UBALD2: variants seen among roughly 807,000 people sequenced by gnomAD.
The protein encoded by UBALD2 is UBA like domain containing 2.
In UBALD2, 8 loss-of-function variants were observed where a neutral mutation model predicts 15.9. That is an observed-to-expected ratio of 0.50 (90% confidence interval 0.29 to 0.91). The LOEUF (loss-of-function observed/expected upper bound fraction) is 0.91. Ranked by LOEUF, UBALD2 falls within the 40% of genes least tolerant of loss-of-function variation. UBALD2 has a pLI of 0.07. For synonymous variants in UBALD2, 113 were observed against 97.7 expected, an observed-to-expected ratio of 1.16 and a Z score of -0.93; for missense variants, 178 against 234.8, an observed-to-expected ratio of 0.76 and a Z score of 1.58.
intron 2 of UBALD2, among the ~76,000 whole-genome samples, chr17:76,267,734 G>A (rs1279751214): frequency 2.7e-5 from 4 of 147,046 alleles, no homozygotes; most frequent in Admixed American, 6.9e-5. Context: ...GTGTGATCTC[G>A]GCTCACCGCA....
chr17:76,268,488 T>TG (rs34116305), intron 2 of UBALD2, among the ~76,000 whole-genome samples: 25,259 of 129,180 alleles, frequency 0.2, 3,537 homozygotes, highest in African/African-American at 0.43. Flanking sequence ...CCCCAGAGGG[T>TG]GGGGGGGGGG....
At position 76,265,585 on chromosome 17, in the gene UBALD2, A is replaced by G; in HGVS notation, c.80A>G (p.Gln27Arg). 7.5e-7 allele frequency: 1 copy of G among 1,332,664 alleles called. No homozygotes were observed. The highest frequency in any genetic ancestry group is 9.8e-7 in the Non-Finnish European group (1 of 1,018,104). 82.6% of individuals were successfully genotyped at this position (1,332,664 alleles called of 1,614,324 possible). A position where few individuals can be genotyped will look rare whatever the true frequency, so the allele number is the denominator to read the frequency against. ...CTGGCCGCGGGCTGCGCGGCCGACCAGGCGAAGCAGTTGCTGCAGGCGGCC... is the reference window on the plus strand; with the variant it reads ...CTGGCCGCGGGCTGCGCGGCCGACCGGGCGAAGCAGTTGCTGCAGGCGGCC... ...FVLAAGCAAD[Q>R]AKQLLQAAHW... is the part of the protein sequence containing the mutation. Residue 27 changes from glutamine (Q) to arginine (R), a missense_variant, in exon 1 of 3, where the codon CAG becomes CGG. By Grantham distance (43) the Gln-to-Arg change is conservative. Coordinates refer to ENST00000327490, the MANE Select transcript of UBALD2 (RefSeq NM_182565.4).
chr17:76,266,051 C>T, intron 2 of UBALD2, 82 bp downstream of exon 2: 1 of 1,475,276 alleles, frequency 6.8e-7, no homozygotes, highest in Non-Finnish European at 9.1e-7. Context: ...AGCGCCGCGC[C>T]GCGAATGTAA....
At position 76,268,931 on chromosome 17, in the gene UBALD2, C is replaced by T. The variant is rs1434259583; in HGVS notation, c.184-1263C>T. On this transcript the variant is annotated intron_variant, in intron 2 of 2. Transcript: ENST00000327490. ...GTATTTTTTAATAGAGACAGGGTTT[C>T]ACCATGTTGGTCAGGCTGGTCTCGA... Among the ~76,000 whole-genome samples the T allele has an allele frequency of 9.9e-5, 15 of 152,140 alleles. No homozygotes were observed. The East Asian group carries it at 2.7e-3, about 27-fold the overall frequency.
At chr17:76,266,403 C>G (rs774731843) in intron 2 of UBALD2, among the ~76,000 whole-genome samples, 7 of 148,188 alleles carry the variant, frequency 4.7e-5, no homozygotes, top group Non-Finnish European at 5.9e-5. Context: ...AGTGGTTTCC[C>G]CCCTCCCCCT....
chr17:76,270,171 C>T (rs1268323736), intron 2 of UBALD2, 23 bp from the exon 3 acceptor site: 2 of 1,609,792 alleles, frequency 1.2e-6, no homozygotes, highest in Admixed American at 1.7e-5. Context: ...GCAGCCTCCC[C>T]ACACCCGTGT....
Position 76,270,657 on chromosome 17 carries a change from G to T in UBALD2, c.*152G>T. 1.3e-6 allele frequency: 1 copy of T among 753,408 alleles called. No homozygotes were observed. Among genetic ancestry groups the T allele is most frequent in the Non-Finnish European group, 1.9e-6 (1 of 513,492 alleles). 46.7% of individuals were successfully genotyped at this position (753,408 alleles called of 1,614,324 possible). On this transcript the variant is annotated 3_prime_UTR_variant, in exon 3 of 3. Coordinates refer to ENST00000327490, the MANE Select transcript of UBALD2 (RefSeq NM_182565.4). ...ATAAAAGAATTTTTGTGGGTCGGGG[G>T]GACAGTAAACTTCCTGGGCCACGTG...
chr17:76,270,536 C>G lies in UBALD2; in HGVS notation c.*31C>G, dbSNP rs2070579643. 7.0e-7 allele frequency: 1 copy of G among 1,431,010 alleles called. No individual in the cohort carries two copies. The highest frequency in any genetic ancestry group is 9.1e-7 in the Non-Finnish European group (1 of 1,097,122). 88.6% of individuals were successfully genotyped at this position (1,431,010 alleles called of 1,614,324 possible). On this transcript the variant is annotated 3_prime_UTR_variant, in exon 3 of 3. Transcript: ENST00000327490. ...GACGCCGCCGGGCGCTGGGCTGGAG[C>G]TGGGGGCAGCCCAGGGTTGTGGGGA...
rs988552694 is a variant in UBALD2, at chr17:76,270,061, T to C, written c.184-133T>C. 8 of 900,446 alleles carry C rather than the reference T, an allele frequency of 8.9e-6. No individual in the cohort carries two copies. In the African/African-American group the frequency reaches 1.2e-4, roughly 13 times the overall value. The allele number at this position is 900,446 out of a possible 1,614,324, so 55.8% of individuals were successfully genotyped here. On this transcript the variant is annotated intron_variant, in intron 2 of 2. Coordinates refer to ENST00000327490, the MANE Select transcript of UBALD2 (RefSeq NM_182565.4). ...CCTCGGGGAGAGGGCACTTTTGTCCTGTGGAAGCTGCTTGTGCGAAAATGA... is the reference window on the plus strand; with the variant it reads ...CCTCGGGGAGAGGGCACTTTTGTCCCGTGGAAGCTGCTTGTGCGAAAATGA...
At chr17:76,266,772 C>A (rs77582544) in intron 2 of UBALD2, among the ~76,000 whole-genome samples, 3 of 152,152 alleles carry the variant, frequency 2.0e-5, no homozygotes, top group Non-Finnish European at 4.4e-5. Context: ...TACCCTACCC[C>A]CCTAGTTACC....
At position 76,271,139 on chromosome 17, in the gene UBALD2, C is replaced by T. The variant is rs897660729; in HGVS notation, c.*634C>T. The T allele has an allele frequency of 7.1e-6, 1 of 140,908 alleles. No individual in the cohort carries two copies. Among genetic ancestry groups the T allele is most frequent in the African/African-American group, 2.9e-5 (1 of 34,510 alleles). The allele number at this position is 140,908 out of a possible 1,614,324, so 8.7% of individuals were successfully genotyped here. A position where few individuals can be genotyped will look rare whatever the true frequency, so the allele number is the denominator to read the frequency against. The stretch of plus-strand genomic sequence containing the variant: ...ACTTTGGTCAAAGGCCAGGCTCTGC[C>T]CAGCAGGGGACTTGACTGCCCTGGG... On this transcript the variant is annotated 3_prime_UTR_variant, in exon 3 of 3. Coordinates refer to ENST00000327490, the MANE Select transcript of UBALD2 (RefSeq NM_182565.4).
Position 76,265,386 on chromosome 17 carries a change from G to A in UBALD2, c.-120G>A, listed in dbSNP as rs936666176. 1.9e-4 allele frequency: 173 copies of A among 926,674 alleles called. No homozygotes were observed. Among genetic ancestry groups the A allele is most frequent in the Admixed American group, 2.5e-4 (4 of 15,788 alleles). The allele number at this position is 926,674 out of a possible 1,614,324, so 57.4% of individuals were successfully genotyped here. A position where few individuals can be genotyped will look rare whatever the true frequency, so the allele number is the denominator to read the frequency against. On this transcript the variant is annotated 5_prime_UTR_variant, in exon 1 of 3. Coordinates refer to ENST00000327490, the MANE Select transcript of UBALD2 (RefSeq NM_182565.4). The stretch of plus-strand genomic sequence containing the variant: ...GGCGGGCGGCGGCGGAGCGGGCGGC[G>A]GAGCGGCGGCAGCAGCGGTGAGCGC...
chr17:76,265,601 G>A lies in UBALD2; in HGVS notation c.96G>A (p.Leu32=). The change falls in exon 1 of 3, where the codon CTG becomes CTA. Residue 32 remains leucine (L), a synonymous_variant. Transcript: ENST00000327490. ...CGGCCGACCAGGCGAAGCAGTTGCT[G>A]CAGGCGGCCCACTGGCAGTTCGAGG... ...GCAADQAKQL[L]QAAHWQFETA... The A allele has an allele frequency of 7.6e-7, 1 of 1,316,146 alleles. No individual in the cohort carries two copies. The highest frequency in any genetic ancestry group is 1.6e-5 in the South Asian group (1 of 62,458). The allele number at this position is 1,316,146 out of a possible 1,614,324, so 81.5% of individuals were successfully genotyped here. A position where few individuals can be genotyped will look rare whatever the true frequency, so the allele number is the denominator to read the frequency against.
chr17:76,266,729 T>G (rs762118406), intron 2 of UBALD2, among the ~76,000 whole-genome samples: 1 of 152,164 alleles, frequency 6.6e-6, no homozygotes, highest in Non-Finnish European at 1.5e-5. Flanking sequence ...CATGGGGTAC[T>G]CTGCTTTCTT....
chr17:76,270,044 A>T (rs754935291), intron 2 of UBALD2, 150 bp from the exon 3 acceptor site: 6 of 740,156 alleles, frequency 8.1e-6, no homozygotes, highest in Non-Finnish European at 1.3e-5. Context: ...TGCCTCGGGG[A>T]GAGGGCACTT....
At chr17:76,266,315 G>T (rs1303831171) in intron 2 of UBALD2, among the ~76,000 whole-genome samples, 1 of 152,152 alleles carries the variant, frequency 6.6e-6, no homozygotes, top group African/African-American at 2.4e-5. Context: ...GACGTCTGGG[G>T]CACTGGGAAG....
rs1482088840 is a variant in UBALD2 at position 76,270,784 on chromosome 17, C to G, written c.*279C>G. ...ATAACTAATGTGCGTGAGAATGGGC[C>G]TGGCACACCTGGGGTGCTCGGGGGT... On this transcript the variant is annotated 3_prime_UTR_variant, in exon 3 of 3. Coordinates refer to ENST00000327490, the MANE Select transcript of UBALD2 (RefSeq NM_182565.4). The G allele has an allele frequency of 6.8e-5, 17 of 251,002 alleles. No individual in the cohort carries two copies. The highest frequency in any genetic ancestry group is 5.4e-5 in the Admixed American group (1 of 18,360). 15.5% of individuals were successfully genotyped at this position (251,002 alleles called of 1,614,324 possible).
rs1308207283 is a variant in UBALD2, at chr17:76,269,686, G to T, written c.184-508G>T. 6.6e-6 allele frequency among the ~76,000 whole-genome samples: 1 copy of T among 152,216 alleles called. No individual in the cohort carries two copies. Among genetic ancestry groups the T allele is most frequent in the Admixed American group, 6.5e-5 (1 of 15,288 alleles). ...GAGGCAAAGCCTTCAAGGCCTGGTG[G>T]CTGTCACCCTTAGTGTGGTGTGAAC... On this transcript the variant is annotated intron_variant, in intron 2 of 2. Transcript: ENST00000327490. The surrounding 1 kb of genome is among the most constrained non-coding windows in gnomAD (Gnocchi z 4.6).
chr17:76,265,556 C>T lies in UBALD2; in HGVS notation c.51C>T (p.Phe17=). Residue 17 remains phenylalanine, a synonymous_variant, in exon 1 of 3, where the codon TTC becomes TTT. Coordinates refer to ENST00000327490, the MANE Select transcript of UBALD2 (RefSeq NM_182565.4). ...ELRHQVMINQ[F]VLAAGCAADQ... is the part of the protein sequence containing the mutation. Reference sequence around the variant, plus strand: ...GGCACCAGGTCATGATCAACCAGTTCGTGCTGGCCGCGGGCTGCGCGGCCG... The same window carrying T: ...GGCACCAGGTCATGATCAACCAGTTTGTGCTGGCCGCGGGCTGCGCGGCCG... 7.5e-7 allele frequency: 1 copy of T among 1,335,692 alleles called. No homozygotes were observed. Among genetic ancestry groups the T allele is most frequent in the Non-Finnish European group, 9.8e-7 (1 of 1,019,450 alleles). The allele number at this position is 1,335,692 out of a possible 1,614,324, so 82.7% of individuals were successfully genotyped here. A position where few individuals can be genotyped will look rare whatever the true frequency, so the allele number is the denominator to read the frequency against.
Sources: gnomAD v4.1 joint callset for allele counts (sites outside exome capture counted in the v4.1 genomes callset) on GRCh38, gnomAD v4.1.1 for gene constraint, Gnocchi (gnomAD v3.1) non-coding constraint, MANE v1.5 for transcripts, NCBI Gene and HGNC (gene_info 2026-07-23, HGNC 2026-07-21) for gene names.